The following GYS2 variants were observed in gnomAD, a reference collection of about 807,000 sequenced individuals.
GYS2 encodes the protein glycogen [starch] synthase, liver.
A neutral mutation model predicts 85.6 loss-of-function variants in GYS2; 80 were observed. That is an observed-to-expected ratio of 0.93 (90% CI 0.78 to 1.13). The LOEUF is 1.13. Among genes scored for constraint, GYS2 ranks in the 50% most tolerant of loss-of-function variants. The pLI, the probability that GYS2 is intolerant of heterozygous loss-of-function variation, is 0.00. For synonymous variants in GYS2, 328 were observed against 300.7 expected (o/e 1.09, Z -0.94); for missense variants, 881 against 854.9 (o/e 1.03, Z -0.38).
chr12:21,581,046 G>A (rs1200316340), intron 1 of GYS2, among the ~76,000 whole-genome samples: 2 of 152,112 alleles, frequency 1.3e-5, no homozygotes, highest in Admixed American at 6.5e-5. Flanking sequence ...ATCTTTTAAA[G>A]CACCAAGCAA....
chr12:21,603,996 A>G (rs940345573), intron 1 of GYS2, among the ~76,000 whole-genome samples: 1 of 152,174 alleles, frequency 6.6e-6, no homozygotes, highest in African/African-American at 2.4e-5. Context: ...CTCCTGAATT[A>G]AAACATTAAT....
chr12:21,576,146 T>C (rs1396911220), intron 2 of GYS2, 89 bp from the exon 3 acceptor site: 1 of 964,758 alleles, frequency 1.0e-6, no homozygotes, highest in South Asian at 1.3e-5. Context: ...AAACTTTATG[T>C]AGTACTCAAT....
chr12:21,549,105 T>C (rs1944076370), intron 11 of GYS2, among the ~76,000 whole-genome samples: 1 of 152,180 alleles, frequency 6.6e-6, no homozygotes, highest in Non-Finnish European at 1.5e-5. Context: ...GCACAAAATA[T>C]TACTAATGAC....
At chr12:21,598,954 G>A (rs1241204715) in intron 1 of GYS2, among the ~76,000 whole-genome samples, 2 of 152,006 alleles carry the variant, frequency 1.3e-5, no homozygotes, top group East Asian at 3.9e-4. Flanking sequence ...CAATGAGGTG[G>A]TTAAAACTCT....
At chr12:21,566,239 G>A (rs1282121189) in intron 5 of GYS2, among the ~76,000 whole-genome samples, 4 of 151,986 alleles carry the variant, frequency 2.6e-5, no homozygotes. Flanking sequence ...TTTTCCTCTT[G>A]CTCTGTAGTT....
intron 1 of GYS2, among the ~76,000 whole-genome samples, chr12:21,601,358 C>T (rs1035906687): frequency 6.6e-6 from 1 of 152,112 alleles, no homozygotes; most frequent in African/African-American, 2.4e-5. Flanking sequence ...ATTCATTGTT[C>T]ATACCCTGGA....
chr12:21,542,209 G>C (rs900590760), intron 13 of GYS2, among the ~76,000 whole-genome samples: 1 of 151,264 alleles, frequency 6.6e-6, no homozygotes, highest in Non-Finnish European at 1.5e-5. Context: ...CACCATACTT[G>C]GCTAATTTTT....
At chr12:21,560,964 TG>T (rs1275987131) in intron 7 of GYS2, among the ~76,000 whole-genome samples, 2 of 152,220 alleles carry the variant, frequency 1.3e-5, no homozygotes, top group Non-Finnish European at 2.9e-5. Flanking sequence ...TCAATTTTTT[TG>T]CTTATTCATG....
intron 11 of GYS2, among the ~76,000 whole-genome samples, chr12:21,555,447 G>A (rs1871147): frequency 0.72 from 110,120 of 152,002 alleles, 40,427 homozygotes; most frequent in South Asian, 0.79. Flanking sequence ...ACACAAATGA[G>A]AAAATAAAAA....
chr12:21,562,538 A>T (rs1944266340), intron 7 of GYS2, among the ~76,000 whole-genome samples: 1 of 152,110 alleles, frequency 6.6e-6, no homozygotes, highest in Non-Finnish European at 1.5e-5. Context: ...CTGAAAATTG[A>T]TATTTTGCTC....
chr12:21,573,960 G>C (rs1944414870), intron 4 of GYS2, among the ~76,000 whole-genome samples, 184 bp downstream of exon 4: 1 of 152,188 alleles, frequency 6.6e-6, no homozygotes, highest in Non-Finnish European at 1.5e-5. Flanking sequence ...AGTGTACTCT[G>C]AACAAAGTTG....
At chr12:21,580,256 G>T in intron 2 of GYS2, 86 bp downstream of exon 2, 1 of 1,183,588 alleles carries the variant, frequency 8.4e-7, no homozygotes, top group Non-Finnish European at 1.3e-6. Context: ...TAAGTGAATG[G>T]TCTTCTCTTG....
chr12:21,534,625 AAGAG>A (rs980681701), downstream of GYS2, among the ~76,000 whole-genome samples: 4 of 152,112 alleles, frequency 2.6e-5, no homozygotes, highest in Non-Finnish European at 5.9e-5. Context: ...GAAAGAAAAA[AAGAG>A]AGAAAGAAAG....
chr12:21,542,277 T>G (rs1482081737), intron 13 of GYS2, among the ~76,000 whole-genome samples: 1 of 152,208 alleles, frequency 6.6e-6, no homozygotes, highest in Non-Finnish European at 1.5e-5. Context: ...CTCGAACCCC[T>G]GACCTCAAGT....
In GYS2 at chr12:21,537,016, G is replaced by A; in HGVS notation, c.2050C>T (p.Pro684Ser). 6.2e-7 allele frequency: 1 copy of A among 1,613,974 alleles called. No individual in the cohort carries two copies. The highest frequency in any genetic ancestry group is 8.5e-7 in the Non-Finnish European group (1 of 1,179,930). The change falls in exon 16 of 16, where the codon CCA (proline) becomes TCA (serine). Residue 684 changes from proline to serine, a missense_variant. Physicochemically the swap from Pro to Ser is moderately conservative, Grantham distance 74. Coordinates refer to ENST00000261195, the MANE Select transcript of GYS2 (RefSeq NM_021957.4). ...TGAGGAACGTGGCTCAGTGAAAATG[G>A]TGACTTGATATTTAACCGATCCCTT... The part of the protein sequence containing the change: ...AERDRLNIKS[P>S]FSLSHVPHGK...
intron 15 of GYS2, among the ~76,000 whole-genome samples, chr12:21,538,632 A>G (rs1253976223): frequency 6.6e-6 from 1 of 152,084 alleles, no homozygotes; most frequent in Non-Finnish European, 1.5e-5. Context: ...GCGGCCAAAG[A>G]TGTTTAGCTC....
Position 21,559,731 on chromosome 12 carries a change from T to C in GYS2, c.1170-21A>G, listed in dbSNP as rs767946578. On this transcript the variant is annotated intron_variant, in intron 8 of 15. Transcript: ENST00000261195. ...CATCCCTGTTTGAAACAGAAAGATT[T>C]ATCATTTAAACAGTATGACAATGTT... The C allele has an allele frequency of 4.0e-6, 6 of 1,483,530 alleles. No homozygotes were observed. In the Admixed American group the frequency reaches 1.0e-4, roughly 25 times the overall value. The allele number at this position is 1,483,530 out of a possible 1,614,324, so 91.9% of individuals were successfully genotyped here. A position where few individuals can be genotyped will look rare whatever the true frequency, so the allele number is the denominator to read the frequency against.
chr12:21,572,996 A>T (rs2136901205), intron 4 of GYS2, among the ~76,000 whole-genome samples: 1 of 152,280 alleles, frequency 6.6e-6, no homozygotes, highest in East Asian at 1.9e-4. Context: ...TACCGCTAAG[A>T]ACCTCCCAGA....
intron 10 of GYS2, 147 bp from the exon 11 acceptor site, chr12:21,558,460 G>A (rs1179323293): frequency 3.0e-6 from 2 of 658,020 alleles, no homozygotes; most frequent in African/African-American, 1.8e-5. Context: ...AGTCTTGTGT[G>A]TGTGTCAAAG....
Sources: gnomAD v4.1 joint callset for allele counts (sites outside exome capture counted in the v4.1 genomes callset) on GRCh38, gnomAD v4.1.1 for gene constraint, MANE v1.5 for transcripts, NCBI Gene and HGNC (gene_info 2026-07-23, HGNC 2026-07-21) for gene names.